Variants in CNTNAP2 observed in about 807,000 individuals in gnomAD.
CNTNAP2 encodes contactin-associated protein-like 2.
In CNTNAP2, 98 loss-of-function variants were observed where a neutral mutation model predicts 155.2. That is an observed-to-expected ratio of 0.63 (90% CI 0.54 to 0.75). The LOEUF is 0.75. CNTNAP2 is among the 30% of genes least tolerant of loss of function. The probability of loss-of-function intolerance (pLI) is 0.00; values close to 1 mark genes in which losing one functional copy is unlikely to be tolerated. For synonymous variants in CNTNAP2, 651 were observed against 631.2 expected, an observed-to-expected ratio of 1.03 and a Z score of -0.47; for missense variants, 1,727 against 1,688.1, an observed-to-expected ratio of 1.02 and a Z score of -0.40.
chr7:146,217,558 C>A (rs779016753), intron 1 of CNTNAP2, among the ~76,000 whole-genome samples: 9 of 152,122 alleles, frequency 5.9e-5, no homozygotes, highest in Non-Finnish European at 2.9e-5. Context: ...AATTAAATAA[C>A]CATTTAAGGT....
At chr7:146,530,250 A>C (rs1797750551) in intron 1 of CNTNAP2, among the ~76,000 whole-genome samples, 3 of 152,172 alleles carry the variant, frequency 2.0e-5, no homozygotes, top group Admixed American at 2.0e-4. Flanking sequence ...TAAAGATGTA[A>C]ATGTAAAATC....
chr7:148,177,688 CAAG>C (rs1312466716), intron 18 of CNTNAP2, among the ~76,000 whole-genome samples: 3 of 152,050 alleles, frequency 2.0e-5, no homozygotes, highest in Non-Finnish European at 2.9e-5. Flanking sequence ...CCTATTGTAC[CAAG>C]AAGGAGATGG....
chr7:147,732,181 T>C (rs866263739), intron 13 of CNTNAP2, among the ~76,000 whole-genome samples: 36 of 108,552 alleles, frequency 3.3e-4, no homozygotes, highest in Middle Eastern at 5.1e-3. Flanking sequence ...ATGCTATCCC[T>C]CCCCCCCCCA....
chr7:147,722,754 A>G (rs1192647679), intron 13 of CNTNAP2, among the ~76,000 whole-genome samples: 1 of 152,092 alleles, frequency 6.6e-6, no homozygotes, highest in Non-Finnish European at 1.5e-5. Flanking sequence ...CACTATTTGC[A>G]AATATGTAGT....
chr7:147,144,828 T>A (rs143637774), intron 8 of CNTNAP2, among the ~76,000 whole-genome samples: 245 of 152,324 alleles, frequency 1.6e-3, no homozygotes, highest in African/African-American at 5.7e-3. Context: ...TTCCTGTACA[T>A]GCGTGCATTC....
chr7:147,395,531 A>T (rs539255062), intron 9 of CNTNAP2, 78 bp from the exon 10 acceptor site: 1 of 1,391,830 alleles, frequency 7.2e-7, no homozygotes, highest in African/African-American at 1.4e-5. Context: ...GGCTGTGGCC[A>T]GGTAGAATAC....
intron 13 of CNTNAP2, among the ~76,000 whole-genome samples, chr7:147,827,869 G>A (rs980164332): frequency 1.3e-5 from 2 of 152,060 alleles, no homozygotes; most frequent in African/African-American, 4.8e-5. Flanking sequence ...CAAAGATAAA[G>A]CATATTTCTA....
intron 15 of CNTNAP2, among the ~76,000 whole-genome samples, chr7:148,090,291 A>G (rs940433948): frequency 1.1e-4 from 17 of 152,132 alleles, no homozygotes; most frequent in Non-Finnish European, 2.9e-5. Flanking sequence ...TGCACAACAA[A>G]GGAAACAATC....
At chr7:148,229,822 A>G (rs1329952628) in intron 20 of CNTNAP2, 43 bp downstream of exon 20, 4 of 1,610,470 alleles carry the variant, frequency 2.5e-6, no homozygotes, top group East Asian at 2.2e-5. Flanking sequence ...ATATCGCATT[A>G]TAGTCCCTGT....
intron 12 of CNTNAP2, among the ~76,000 whole-genome samples, chr7:147,599,176 T>C (rs1305139527): frequency 2.0e-5 from 3 of 152,046 alleles, no homozygotes; most frequent in African/African-American, 7.2e-5. Context: ...AGTTGAGTGA[T>C]AGATTAAAAT....
intron 21 of CNTNAP2, chr7:148,339,621 C>G (rs899402474): frequency 2.0e-5 from 3 of 152,400 alleles, no homozygotes; most frequent in African/African-American, 7.2e-5. Context: ...TGAACCGGGG[C>G]TGGCGGGAAG....
intron 13 of CNTNAP2, among the ~76,000 whole-genome samples, chr7:147,641,003 T>G (rs1313332470): frequency 6.6e-6 from 1 of 152,028 alleles, no homozygotes; most frequent in Admixed American, 6.5e-5. Flanking sequence ...TGGAGATATG[T>G]GGGGGCGGCC....
intron 4 of CNTNAP2, among the ~76,000 whole-genome samples, chr7:147,083,687 T>G (rs1800194646): frequency 6.9e-6 from 1 of 145,152 alleles, no homozygotes; most frequent in Admixed American, 7.0e-5. Flanking sequence ...TTATATATGA[T>G]ACATAGATAT....
At chr7:148,097,689 G>A (rs1804002785) in intron 15 of CNTNAP2, among the ~76,000 whole-genome samples, 1 of 152,146 alleles carries the variant, frequency 6.6e-6, no homozygotes, top group African/African-American at 2.4e-5. Context: ...TCATCAAGCA[G>A]TAACTCTGTC....
At chr7:146,516,891 T>C (rs1453959315) in intron 1 of CNTNAP2, among the ~76,000 whole-genome samples, 1 of 151,966 alleles carries the variant, frequency 6.6e-6, no homozygotes, top group Non-Finnish European at 1.5e-5. Context: ...GCAGTGAAAA[T>C]AACTGTATGC....
intron 12 of CNTNAP2, among the ~76,000 whole-genome samples, chr7:147,586,493 A>G (rs1308375166): frequency 3.1e-5 from 3 of 96,718 alleles, no homozygotes; most frequent in South Asian, 3.7e-4. Flanking sequence ...TTTAGTTTAC[A>G]TAGATACACA....
At chr7:148,067,937 G>A (rs766596614) in intron 15 of CNTNAP2, among the ~76,000 whole-genome samples, 9 of 152,162 alleles carry the variant, frequency 5.9e-5, no homozygotes, top group East Asian at 1.9e-4. Flanking sequence ...GGGGAAAGTC[G>A]TCAGTGACTG....
At chr7:146,374,898 GAAGT>G (rs1795284912) in intron 1 of CNTNAP2, among the ~76,000 whole-genome samples, 1 of 152,146 alleles carries the variant, frequency 6.6e-6, no homozygotes, top group African/African-American at 2.4e-5. Context: ...AAAATCTGAT[GAAGT>G]ATTATCAGAT....
chr7:147,533,617 T>C (rs1311703720), intron 11 of CNTNAP2, among the ~76,000 whole-genome samples: 1 of 151,588 alleles, frequency 6.6e-6, no homozygotes, highest in East Asian at 1.9e-4. Context: ...AAAAAATACT[T>C]ACTTGGAGCC....
Sources: allele counts gnomAD v4.1 joint callset (sites outside exome capture counted in the v4.1 genomes callset), GRCh38; gene constraint gnomAD v4.1.1; transcripts MANE v1.5; gene names NCBI Gene and HGNC (gene_info 2026-07-23, HGNC 2026-07-21).